Variants in LRRC3B observed in about 807,000 individuals in gnomAD.
LRRC3B encodes the protein leucine rich repeat containing 3B, also known as leucine-rich repeat-containing protein 3B.
LRRC3B carries 2 observed loss-of-function variants against 12.8 expected under a neutral mutation model. That is an observed-to-expected ratio of 0.16 (90% CI 0.06 to 0.49). LRRC3B has a LOEUF of 0.49. Among genes scored for constraint, LRRC3B ranks in the 20% least tolerant of loss-of-function variants. The pLI is 0.96. For synonymous variants in LRRC3B, 132 were observed against 122.0 expected (o/e 1.08, Z -0.54); for missense variants, 189 against 319.4 (o/e 0.59, Z 3.11).
At chr3:26,641,303 A>G (rs1408993164) in intron 1 of LRRC3B, among the ~76,000 whole-genome samples, 1 of 152,176 alleles carries the variant, frequency 6.6e-6, no homozygotes, top group African/African-American at 2.4e-5. Context: ...CCAGACTAGG[A>G]AACTGGGGGT....
At position 26,636,894 on chromosome 3, in the gene LRRC3B, CTCTCTCTCTT is replaced by C. The variant is rs1352825626; in HGVS notation, c.-161+13665_-161+13674del. Among the ~76,000 whole-genome samples the C allele has an allele frequency of 2.7e-4, 29 of 108,934 alleles. 1 individual carries two copies. Among genetic ancestry groups the C allele is most frequent in the African/African-American group, 8.7e-4 (21 of 24,192 alleles). The allele number at this position is 108,934 out of a possible 152,430, so 71.5% of individuals were successfully genotyped here. A position where few individuals can be genotyped will look rare whatever the true frequency, so the allele number is the denominator to read the frequency against. On this transcript the variant is annotated intron_variant, in intron 1 of 1. Transcript: ENST00000396641. ...CCTTCCTTCCTTCCTTCCTTTCTCT[CTCTCTCTCTT>C]TCTCTCTTTCTCTCTTTCTTTCTTT...
At chr3:26,678,714 G>T (rs1259094599) in intron 1 of LRRC3B, among the ~76,000 whole-genome samples, 1 of 152,070 alleles carries the variant, frequency 6.6e-6, no homozygotes, top group South Asian at 2.1e-4. Flanking sequence ...TAGATTCATA[G>T]AACCAGATAT....
In LRRC3B at chr3:26,709,659, G is replaced by A; in HGVS notation, c.-14G>A. 6.2e-7 allele frequency: 1 copy of A among 1,610,184 alleles called. No individual in the cohort carries two copies. Among genetic ancestry groups the A allele is most frequent in the Non-Finnish European group, 8.5e-7 (1 of 1,177,388 alleles). On this transcript the variant is annotated 5_prime_UTR_variant, in exon 2 of 2. An upstream start codon of the reference 5' UTR is lost. Coordinates refer to ENST00000396641, the Ensembl canonical transcript of LRRC3B. ...AGATGAGGAATGGGCTCGTGATTAT[G>A]CTGACATTCCAGCATGAATCTGGTA...
At chr3:26,673,505 A>G (rs75440029) in intron 1 of LRRC3B, among the ~76,000 whole-genome samples, 1 of 152,354 alleles carries the variant, frequency 6.6e-6, no homozygotes, top group Non-Finnish European at 1.5e-5. Context: ...TTAGAAAATT[A>G]TGCAGTGCAA....
intron 1 of LRRC3B, among the ~76,000 whole-genome samples, chr3:26,636,095 G>C (rs1599920): frequency 0.089 from 13,473 of 152,084 alleles, 1,328 homozygotes; most frequent in East Asian, 0.3. Context: ...ATTTACCCAG[G>C]ATGCAAGCAA....
intron 1 of LRRC3B, among the ~76,000 whole-genome samples, chr3:26,681,743 G>A (rs190818095): frequency 9.2e-5 from 14 of 152,302 alleles, no homozygotes; most frequent in African/African-American, 3.4e-4. Context: ...AGGCACTAGA[G>A]TAGCAACCAG....
chr3:26,653,171 A>C (rs1039838713), intron 1 of LRRC3B, among the ~76,000 whole-genome samples: 18 of 152,172 alleles, frequency 1.2e-4, no homozygotes, highest in African/African-American at 3.4e-4. Context: ...AATGACTAAA[A>C]GACTGGATGA....
At chr3:26,692,757 C>T (rs1040825169) in intron 1 of LRRC3B, among the ~76,000 whole-genome samples, 8 of 152,158 alleles carry the variant, frequency 5.3e-5, no homozygotes, top group Middle Eastern at 3.2e-3. Context: ...AGTTAGCTTT[C>T]GCTACATAAC....
chr3:26,710,268 A>T (rs1040665618), exon 2 of LRRC3B: 9 of 1,613,902 alleles, frequency 5.6e-6, no homozygotes, highest in Non-Finnish European at 7.6e-6. Flanking sequence ...AACCTCCCTA[A>T]AAAAACTACC....
intron 1 of LRRC3B, among the ~76,000 whole-genome samples, chr3:26,627,489 G>T (rs73821149): frequency 0.029 from 4,421 of 152,178 alleles, 235 homozygotes; most frequent in African/African-American, 0.1. Flanking sequence ...AGGAAGAAAA[G>T]AAGAGAGTGA....
intron 1 of LRRC3B, among the ~76,000 whole-genome samples, chr3:26,708,870 T>C (rs775043618): frequency 6.6e-6 from 1 of 152,192 alleles, no homozygotes; most frequent in South Asian, 2.1e-4. Flanking sequence ...GAAGATCCTC[T>C]GGAAATTCAG....
intron 1 of LRRC3B, among the ~76,000 whole-genome samples, chr3:26,676,724 C>G (rs980542695): frequency 1.1e-4 from 17 of 152,146 alleles, no homozygotes; most frequent in African/African-American, 3.6e-4. Flanking sequence ...TTTGACCCAG[C>G]CATCCCATTA....
exon 2 of LRRC3B, chr3:26,710,286 C>T: frequency 6.2e-7 from 1 of 1,613,918 alleles, no homozygotes; most frequent in Non-Finnish European, 8.5e-7. Context: ...ACCGATTATG[C>T]CATGCTGGTC....
chr3:26,706,530 A>AACAAGCATTACATCCAGTTC (rs1182548217), intron 1 of LRRC3B, among the ~76,000 whole-genome samples: 1 of 152,210 alleles, frequency 6.6e-6, no homozygotes, highest in Non-Finnish European at 1.5e-5. Flanking sequence ...TTGTACTCCT[A>AACAAGCATTACATCCAGTTC]ACAAGCATTA....
chr3:26,702,244 A>T (rs201941755), intron 1 of LRRC3B, among the ~76,000 whole-genome samples: 1 of 152,172 alleles, frequency 6.6e-6, no homozygotes, highest in East Asian at 1.9e-4. Context: ...GAGTTTGGAG[A>T]TTGCAAGAGT....
intron 1 of LRRC3B, among the ~76,000 whole-genome samples, chr3:26,693,797 A>G (rs1025981925): frequency 1.3e-5 from 2 of 152,222 alleles, no homozygotes; most frequent in African/African-American, 2.4e-5. Flanking sequence ...TAAGGTTTTC[A>G]AAGCCTTTAA....
intron 1 of LRRC3B, among the ~76,000 whole-genome samples, chr3:26,706,110 G>A (rs1199509204): frequency 6.6e-6 from 1 of 152,128 alleles, no homozygotes; most frequent in Non-Finnish European, 1.5e-5. Flanking sequence ...CTTATTGATG[G>A]CTCTCTTCTC....
chr3:26,687,956 T>G (rs2125446840), intron 1 of LRRC3B, among the ~76,000 whole-genome samples: 1 of 152,324 alleles, frequency 6.6e-6, no homozygotes, highest in Non-Finnish European at 1.5e-5. Flanking sequence ...GCTTCACAAG[T>G]AGCCTCTGGG....
intron 1 of LRRC3B, among the ~76,000 whole-genome samples, chr3:26,653,360 C>A (rs958697618): frequency 6.6e-6 from 1 of 151,852 alleles, no homozygotes; most frequent in Non-Finnish European, 1.5e-5. Flanking sequence ...ATTTTTTTTA[C>A]AGACAGGAAC....
Sources: gnomAD v4.1 joint callset for allele counts (sites outside exome capture counted in the v4.1 genomes callset) on GRCh38, gnomAD v4.1.1 for gene constraint, MANE v1.5 for transcripts, NCBI Gene and HGNC (gene_info 2026-07-23, HGNC 2026-07-21) for gene names.